Variants in EPHA4 observed in about 807,000 individuals in gnomAD.
EPHA4 encodes ephrin type-A receptor 4.
In EPHA4, 19 loss-of-function variants were observed where a neutral mutation model predicts 108.3. That is an observed-to-expected ratio of 0.18 (90% CI 0.12 to 0.26). The LOEUF (loss-of-function observed/expected upper bound fraction) is 0.26. Ranked by LOEUF, EPHA4 falls within the 10% of genes least tolerant of loss-of-function variation. The pLI is 1.00. For missense variants in EPHA4, 917 were observed against 1,254.0 expected (o/e 0.73, Z 4.06); for synonymous variants, 449 against 455.5 (o/e 0.99, Z 0.18).
At chr2:221,467,044 C>T (rs1056254777) in intron 5 of EPHA4, among the ~76,000 whole-genome samples, 7 of 152,100 alleles carry the variant, frequency 4.6e-5, no homozygotes, top group African/African-American at 1.7e-4. Context: ...GGGGTAAGTT[C>T]GATATGATCC....
At chr2:221,438,234 G>C (rs988779774) in intron 11 of EPHA4, among the ~76,000 whole-genome samples, 17 of 151,608 alleles carry the variant, frequency 1.1e-4, no homozygotes, top group African/African-American at 4.1e-4. Context: ...AGCAGAATGA[G>C]GTGTAAATAA....
intron 3 of EPHA4, among the ~76,000 whole-genome samples, chr2:221,532,450 A>T (rs952397621): frequency 6.6e-6 from 1 of 152,186 alleles, no homozygotes; most frequent in African/African-American, 2.4e-5. Flanking sequence ...CTATCAAAAG[A>T]TGAGAAAAAC....
chr2:221,459,772 GC>G (rs1477081400), intron 5 of EPHA4, among the ~76,000 whole-genome samples: 1 of 152,146 alleles, frequency 6.6e-6, no homozygotes, highest in African/African-American at 2.4e-5. Flanking sequence ...ATAAAAAGGA[GC>G]TCTTTAAATT....
At chr2:221,560,969 G>C (rs765329889) in intron 3 of EPHA4, among the ~76,000 whole-genome samples, 8 of 152,118 alleles carry the variant, frequency 5.3e-5, no homozygotes, top group Non-Finnish European at 1.2e-4. Flanking sequence ...CTGGCTGGGC[G>C]CGGTGGCTCA....
At chr2:221,483,334 G>C (rs1691888194) in intron 4 of EPHA4, among the ~76,000 whole-genome samples, 1 of 152,120 alleles carries the variant, frequency 6.6e-6, no homozygotes, top group Admixed American at 6.5e-5. Context: ...TTTAACTCGT[G>C]CATTCCCAGC....
At chr2:221,551,754 C>A (rs1029290668) in intron 3 of EPHA4, among the ~76,000 whole-genome samples, 1 of 152,046 alleles carries the variant, frequency 6.6e-6, no homozygotes, top group Non-Finnish European at 1.5e-5. Context: ...TCATTTGAGA[C>A]CATTCAGTGG....
At chr2:221,562,170 A>C (rs1694487474) in intron 3 of EPHA4, among the ~76,000 whole-genome samples, 1 of 151,830 alleles carries the variant, frequency 6.6e-6, no homozygotes, top group Non-Finnish European at 1.5e-5. Context: ...AAAAATCCTT[A>C]AATTCCAACT....
At chr2:221,530,488 A>T (rs1422676447) in intron 3 of EPHA4, among the ~76,000 whole-genome samples, 1 of 152,170 alleles carries the variant, frequency 6.6e-6, no homozygotes, top group African/African-American at 2.4e-5. Flanking sequence ...GGGCTGGAGG[A>T]CTTAAGGATG....
chr2:221,546,691 C>T (rs1694008613), intron 3 of EPHA4, among the ~76,000 whole-genome samples: 2 of 152,096 alleles, frequency 1.3e-5, no homozygotes, highest in Admixed American at 1.3e-4. Flanking sequence ...GTCAGTGACT[C>T]AAACTGTTCT....
At chr2:221,455,285 C>G (rs1266782385) in intron 8 of EPHA4, among the ~76,000 whole-genome samples, 1 of 152,172 alleles carries the variant, frequency 6.6e-6, no homozygotes, top group Non-Finnish European at 1.5e-5. Context: ...CTTAAAGCAT[C>G]TAGAAATCTC....
intron 4 of EPHA4, among the ~76,000 whole-genome samples, chr2:221,500,334 C>T (rs968784368): frequency 1.2e-4 from 19 of 152,106 alleles, no homozygotes; most frequent in Non-Finnish European, 1.5e-4. Flanking sequence ...CTCCCCATTC[C>T]GATCAAGGTC....
chr2:221,561,114 C>A (rs1047375472), intron 3 of EPHA4, among the ~76,000 whole-genome samples: 1 of 151,882 alleles, frequency 6.6e-6, no homozygotes, highest in Non-Finnish European at 1.5e-5. Context: ...TGGTGGCGGG[C>A]GCCTGTAGTC....
intron 3 of EPHA4, among the ~76,000 whole-genome samples, chr2:221,562,207 C>CTTT (rs35999917): frequency 2.4e-4 from 34 of 144,330 alleles, no homozygotes; most frequent in African/African-American, 6.6e-4. Flanking sequence ...TACACATTTC[C>CTTT]TTTTTTTTTT....
chr2:221,515,632 T>C (rs959969904), intron 3 of EPHA4, among the ~76,000 whole-genome samples: 2 of 151,988 alleles, frequency 1.3e-5, no homozygotes, highest in African/African-American at 4.8e-5. Flanking sequence ...CTGGGCAACA[T>C]AGTGAGACTC....
chr2:221,569,585 C>T (rs1694766276), intron 1 of EPHA4: 3 of 152,288 alleles, frequency 2.0e-5, no homozygotes, highest in African/African-American at 7.2e-5. Context: ...CGGTACCCCG[C>T]TCAGGCTAGA....
intron 4 of EPHA4, among the ~76,000 whole-genome samples, chr2:221,496,628 C>G (rs1266001318): frequency 6.6e-6 from 1 of 152,138 alleles, no homozygotes; most frequent in Non-Finnish European, 1.5e-5. Context: ...GTTCTGTTGG[C>G]CGGGTGTGGT....
chr2:221,498,629 T>C (rs923208030), intron 4 of EPHA4, among the ~76,000 whole-genome samples: 12 of 151,858 alleles, frequency 7.9e-5, no homozygotes, highest in Non-Finnish European at 1.3e-4. Flanking sequence ...TTTTTTTTTT[T>C]CTAAGACAGG....
chr2:221,426,987 A>G (rs1011837038), intron 15 of EPHA4, among the ~76,000 whole-genome samples: 8 of 152,166 alleles, frequency 5.3e-5, no homozygotes, highest in Admixed American at 1.3e-4. Context: ...GCCAGTACTG[A>G]ATATTACAGA....
In EPHA4 at chr2:221,495,001, CAA is replaced by C. The variant is rs5838887; in HGVS notation, c.979+6014_979+6015del. ...ATGGTGCTTGTCCTGGCAATGTTGCCAAAAAAAAAAAAAAAAAAAAAAACTTC... is the reference window on the plus strand; with the variant it reads ...ATGGTGCTTGTCCTGGCAATGTTGCCAAAAAAAAAAAAAAAAAAAAACTTC... On this transcript the variant is annotated intron_variant, in intron 4 of 17. Transcript: ENST00000281821. Among the ~76,000 whole-genome samples the C allele has an allele frequency of 4.1e-3, 354 of 85,484 alleles. 1 individual carries two copies. The highest frequency in any genetic ancestry group is 0.011 in the African/African-American group (247 of 22,318). 56.1% of individuals were successfully genotyped at this position (85,484 alleles called of 152,430 possible).
Sources: allele counts gnomAD v4.1 joint callset (sites outside exome capture counted in the v4.1 genomes callset), GRCh38; gene constraint gnomAD v4.1.1; transcripts MANE v1.5; gene names NCBI Gene and HGNC (gene_info 2026-07-23, HGNC 2026-07-21).